Variants in ITPR1 observed in about 807,000 individuals in gnomAD.
ITPR1 encodes the protein inositol 1,4,5-trisphosphate receptor type 1, also known as inositol 1,4,5-trisphosphate-gated calcium channel ITPR1.
In ITPR1, 96 loss-of-function variants were observed where a neutral mutation model predicts 318.4. The ratio of observed to expected loss-of-function variants is 0.30; its 90% confidence interval spans 0.26 to 0.36. The LOEUF is 0.36. ITPR1 is among the 10% of genes least tolerant of loss of function. The pLI is 1.00. For synonymous variants in ITPR1, 1,312 were observed against 1,289.9 expected (o/e 1.02, Z -0.37); for missense variants, 2,440 against 3,460.2 (o/e 0.71, Z 7.40).
rs528484701 is a variant in ITPR1, at chr3:4,826,015, A to G, written c.8028+7773A>G. ...ACTCAGAAGTTGGAGTCCCTGCCAG[A>G]CAGCACTTAGGTGCAGGAGAGAGGA... On this transcript the variant is annotated intron_variant, in intron 60 of 61. Coordinates refer to ENST00000649015, the MANE Select transcript of ITPR1 (RefSeq NM_001378452.1). This position sits in a 1 kb window ranked among gnomAD's most constrained non-coding sequence, Gnocchi z 4.2. Among the ~76,000 whole-genome samples, 1 of 152,356 alleles carries G rather than the reference A, an allele frequency of 6.6e-6. No homozygotes were observed. The highest frequency in any genetic ancestry group is 1.9e-4 in the East Asian group (1 of 5,186).
intron 48 of ITPR1, among the ~76,000 whole-genome samples, chr3:4,777,689 G>A (rs889733562): frequency 2.0e-5 from 3 of 151,582 alleles, no homozygotes; most frequent in Non-Finnish European, 4.4e-5. Context: ...CACAAAGAGA[G>A]AAACAGTGGA....
chr3:4,791,991 G>C (rs573372113), intron 52 of ITPR1, among the ~76,000 whole-genome samples: 1 of 152,292 alleles, frequency 6.6e-6, no homozygotes, highest in African/African-American at 2.4e-5. Context: ...TTCTCGCTGG[G>C]CTAATACCAA....
At chr3:4,717,146 G>A (rs1457895580) in intron 39 of ITPR1, among the ~76,000 whole-genome samples, 1 of 152,208 alleles carries the variant, frequency 6.6e-6, no homozygotes, top group Non-Finnish European at 1.5e-5. Context: ...TGCCTGATAT[G>A]TGAATAAAGC....
intron 4 of ITPR1, among the ~76,000 whole-genome samples, chr3:4,536,920 T>G (rs1463541903): frequency 6.6e-6 from 1 of 151,658 alleles, no homozygotes; most frequent in East Asian, 1.9e-4. Context: ...TTTTGGATGA[T>G]AGCTTAAACT....
At chr3:4,634,832 G>A (rs892256564) in intron 5 of ITPR1, among the ~76,000 whole-genome samples, 16 of 152,138 alleles carry the variant, frequency 1.1e-4, no homozygotes, top group Admixed American at 5.2e-4. Flanking sequence ...TCCACCTCCT[G>A]GGTTCAAGTG....
At chr3:4,673,614 A>G (rs1269728077) in intron 21 of ITPR1, among the ~76,000 whole-genome samples, 2 of 151,946 alleles carry the variant, frequency 1.3e-5, no homozygotes, top group African/African-American at 4.8e-5. Flanking sequence ...ATGGAGTCTC[A>G]CTCTGTTGCC....
At chr3:4,794,602 G>A (rs981909433) in intron 52 of ITPR1, among the ~76,000 whole-genome samples, 1 of 152,158 alleles carries the variant, frequency 6.6e-6, no homozygotes, top group Non-Finnish European at 1.5e-5. Flanking sequence ...GGGCCCAGCG[G>A]GGCTGACTCT....
intron 52 of ITPR1, among the ~76,000 whole-genome samples, chr3:4,788,792 T>A (rs1380706118): frequency 6.6e-6 from 1 of 152,190 alleles, no homozygotes; most frequent in Non-Finnish European, 1.5e-5. Flanking sequence ...GCACTGGCTG[T>A]TGAGACCAAC....
intron 4 of ITPR1, among the ~76,000 whole-genome samples, chr3:4,622,807 T>G (rs1372133749): frequency 6.6e-6 from 1 of 152,242 alleles, no homozygotes; most frequent in Non-Finnish European, 1.5e-5. Context: ...CAGTTGTTTC[T>G]GGAGCACTGG....
intron 2 of ITPR1, among the ~76,000 whole-genome samples, chr3:4,511,752 G>C (rs1407855617): frequency 7.2e-5 from 11 of 152,200 alleles, no homozygotes; most frequent in Admixed American, 7.2e-4. Context: ...TGGGCACTTT[G>C]ACTCTGGAGC....
At chr3:4,533,366 G>A (rs1016671339) in intron 4 of ITPR1, among the ~76,000 whole-genome samples, 1 of 152,140 alleles carries the variant, frequency 6.6e-6, no homozygotes, top group Admixed American at 6.5e-5. Flanking sequence ...TCCCTGCCCT[G>A]CTCTTACTAG....
chr3:4,842,881 C>T (rs960722544), intron 61 of ITPR1, among the ~76,000 whole-genome samples: 1 of 151,848 alleles, frequency 6.6e-6, no homozygotes, highest in African/African-American at 2.4e-5. Flanking sequence ...AATAATGATG[C>T]CTTATAACAA....
At chr3:4,707,063 C>T (rs556574762) in intron 37 of ITPR1, among the ~76,000 whole-genome samples, 37 of 152,224 alleles carry the variant, frequency 2.4e-4, no homozygotes, top group Admixed American at 5.2e-4. Flanking sequence ...CTGGCTCTGC[C>T]GCTTAGAAAT....
intron 4 of ITPR1, among the ~76,000 whole-genome samples, chr3:4,619,136 T>C (rs1004922259): frequency 1.3e-5 from 2 of 152,186 alleles, no homozygotes; most frequent in South Asian, 2.1e-4. Context: ...CTGATGTTAT[T>C]CTTATTCCTC....
At chr3:4,780,731 C>T (rs1224188157) in intron 49 of ITPR1, among the ~76,000 whole-genome samples, 2 of 152,170 alleles carry the variant, frequency 1.3e-5, no homozygotes, top group East Asian at 1.9e-4. Context: ...GATGGAAGGC[C>T]TCTCTGAGTT....
intron 4 of ITPR1, among the ~76,000 whole-genome samples, chr3:4,571,733 G>A (rs2088017674): frequency 1.3e-5 from 2 of 152,158 alleles, no homozygotes; most frequent in Non-Finnish European, 2.9e-5. Context: ...CAAGTTGCTT[G>A]AAGATTACCA....
chr3:4,494,779 CG>C (rs1267798295), intron 2 of ITPR1, among the ~76,000 whole-genome samples: 1 of 152,124 alleles, frequency 6.6e-6, no homozygotes, highest in Non-Finnish European at 1.5e-5. Context: ...AATAAAACGG[CG>C]GCCCATTGCC....
chr3:4,515,452 C>G lies in ITPR1; in HGVS notation c.-16-1024C>G, dbSNP rs116243471. ...GTTTGGAGGAGGGGTTTTGGGAAAA[C>G]CTGGGTTGCCCTGGGCATCTCCACA... On this transcript the variant is annotated intron_variant, in intron 2 of 61. Coordinates refer to ENST00000649015, the MANE Select transcript of ITPR1 (RefSeq NM_001378452.1). 7.5e-3 allele frequency among the ~76,000 whole-genome samples: 1,144 copies of G among 152,210 alleles called. 14 individuals are homozygous for G. The highest frequency in any genetic ancestry group is 0.026 in the African/African-American group (1,090 of 41,518).
intron 4 of ITPR1, among the ~76,000 whole-genome samples, chr3:4,556,849 C>G (rs1432951796): frequency 1.3e-5 from 2 of 152,116 alleles, no homozygotes; most frequent in African/African-American, 4.8e-5. Flanking sequence ...CAGAGAAACT[C>G]TTCTGAGGAG....
Sources: gnomAD v4.1 joint callset for allele counts (sites outside exome capture counted in the v4.1 genomes callset) on GRCh38, gnomAD v4.1.1 for gene constraint, Gnocchi (gnomAD v3.1) non-coding constraint, MANE v1.5 for transcripts, NCBI Gene and HGNC (gene_info 2026-07-23, HGNC 2026-07-21) for gene names.